ECM2: variants seen among roughly 807,000 people sequenced by gnomAD.
ECM2 encodes extracellular matrix protein 2, female organ and adipocyte specific.
ECM2 carries 57 observed loss-of-function variants against 67.5 expected under a neutral mutation model. The observed-to-expected ratio is 0.84, with a 90% CI of 0.68 to 1.05. ECM2 has a LOEUF of 1.05. ECM2 is among the 50% of genes least tolerant of loss of function. ECM2 has a pLI of 0.00. For missense variants in ECM2, 741 were observed against 822.8 expected, an observed-to-expected ratio of 0.90 and a Z score of 1.22; for synonymous variants, 258 against 294.5, an observed-to-expected ratio of 0.88 and a Z score of 1.27.
At chr9:92,522,222 G>A (rs903904939) in intron 2 of ECM2, among the ~76,000 whole-genome samples, 1 of 151,980 alleles carries the variant, frequency 6.6e-6, no homozygotes, top group African/African-American at 2.4e-5. Context: ...GAGTAGCTGG[G>A]ATTACAGGTA....
At chr9:92,551,663 C>T in the ECM2 span, among the ~76,000 whole-genome samples, 1 of 151,746 alleles carries the variant, frequency 6.6e-6, no homozygotes, top group Non-Finnish European at 1.5e-5. Flanking sequence ...GTCTTTTATC[C>T]CTCACCCCAC....
the ECM2 span, among the ~76,000 whole-genome samples, chr9:92,549,423 G>C: frequency 6.6e-6 from 1 of 152,124 alleles, no homozygotes; most frequent in Admixed American, 6.5e-5. Flanking sequence ...GAGACGGGTG[G>C]ATCACTTGAG....
chr9:92,558,744 G>A, the ECM2 span, among the ~76,000 whole-genome samples: 1,255 of 152,206 alleles, frequency 8.2e-3, 31 homozygotes, highest in African/African-American at 0.029. Context: ...GGGTGGATAG[G>A]AAAGGACCAT....
chr9:92,558,426 C>T, the ECM2 span, among the ~76,000 whole-genome samples: 1 of 152,190 alleles, frequency 6.6e-6, no homozygotes, highest in Admixed American at 6.5e-5. Flanking sequence ...GGCCTAGCCA[C>T]CCAGTGAGTC....
chr9:92,507,503 A>G (rs1563974430), intron 6 of ECM2, among the ~76,000 whole-genome samples: 1 of 152,220 alleles, frequency 6.6e-6, no homozygotes, highest in Non-Finnish European at 1.5e-5. Flanking sequence ...GTAACAGGAA[A>G]TAGGATGGAG....
Position 92,512,145 on chromosome 9 carries a change from A to G in ECM2, c.1055-19T>C. 6.3e-7 allele frequency: 1 copy of G among 1,579,950 alleles called. No homozygotes were observed. The highest frequency in any genetic ancestry group is 8.7e-7 in the Non-Finnish European group (1 of 1,149,828). ...GAATTGCCTAGGACACACAGCGGTT[A>G]TGTTTTAGGCATGTGTGCATATACA... On this transcript the variant is annotated intron_variant, in intron 4 of 9. Transcript: ENST00000344604.
intron 6 of ECM2, among the ~76,000 whole-genome samples, chr9:92,507,398 A>C (rs1484198426): frequency 6.6e-6 from 1 of 152,248 alleles, no homozygotes; most frequent in African/African-American, 2.4e-5. Context: ...ACTAGTGGCC[A>C]TTACATGACT....
chr9:92,514,998 C>G lies in ECM2; in HGVS notation c.687G>C (p.Glu229Asp). 6.2e-7 allele frequency: 1 copy of G among 1,614,146 alleles called. No individual in the cohort carries two copies. The highest frequency in any genetic ancestry group is 1.3e-5 in the African/African-American group (1 of 75,034). Residue 229 changes from glutamate to aspartate, a missense_variant, in exon 4 of 10, where the codon GAG (glutamate) becomes GAC (aspartate). By Grantham distance (45) the Glu-to-Asp change is conservative. Coordinates refer to ENST00000344604, the MANE Select transcript of ECM2 (RefSeq NM_001393.4). ...GCCCCTGATTTCTAGATTCAGGGGT[C>G]TCTCTCTTTTGCTCTGTATCTTCTT... ...VKEEDTEQKR[E>D]TPESRNQGQL...
At chr9:92,504,642 C>G (rs1291552841) in intron 7 of ECM2, among the ~76,000 whole-genome samples, 2 of 152,078 alleles carry the variant, frequency 1.3e-5, no homozygotes, top group African/African-American at 4.8e-5. Flanking sequence ...CTCAAGTGAT[C>G]CTCCACCTCA....
chr9:92,550,294 G>A, the ECM2 span, among the ~76,000 whole-genome samples: 2 of 151,988 alleles, frequency 1.3e-5, no homozygotes, highest in African/African-American at 2.4e-5. Flanking sequence ...TACTTGGGAG[G>A]CTAAGGCAGG....
Position 92,512,109 on chromosome 9 carries a change from T to C in ECM2, c.1072A>G (p.Ile358Val), listed in dbSNP as rs1847382324. ...AATCCATTAAATGCTTCATCTGGGA[T>C]GGAGGCGATGGAATTGCCTAGGACA... ...LELTGNSIAS[I>V]PDEAFNGLPN... Residue 358 changes from isoleucine to valine, a missense_variant, in exon 5 of 10, where the codon ATC becomes GTC. Ile to Val is a conservative substitution (Grantham distance 29). Coordinates refer to ENST00000344604, the MANE Select transcript of ECM2 (RefSeq NM_001393.4). 1 of 1,613,688 alleles carries C rather than the reference T, an allele frequency of 6.2e-7. No individual in the cohort carries two copies. The highest frequency in any genetic ancestry group is 1.3e-5 in the African/African-American group (1 of 74,916).
chr9:92,529,837 G>T (rs887495510), intron 1 of ECM2, among the ~76,000 whole-genome samples: 1 of 152,136 alleles, frequency 6.6e-6, no homozygotes, highest in South Asian at 2.1e-4. Flanking sequence ...GATTCTTAGG[G>T]CAGTGAAACT....
the ECM2 span, among the ~76,000 whole-genome samples, chr9:92,542,430 G>T: frequency 6.6e-6 from 1 of 151,254 alleles, no homozygotes; most frequent in African/African-American, 2.4e-5. Flanking sequence ...TTTGTTGCCT[G>T]TGCTTTTGGA....
intron 2 of ECM2, among the ~76,000 whole-genome samples, chr9:92,520,974 T>C (rs1848031308): frequency 6.6e-6 from 1 of 152,190 alleles, no homozygotes; most frequent in African/African-American, 2.4e-5. Flanking sequence ...ATGGGGAGTT[T>C]AGGTACAGAG....
chr9:92,517,624 A>G (rs1479062252), intron 3 of ECM2, 63 bp downstream of exon 3: 1 of 1,600,500 alleles, frequency 6.2e-7, no homozygotes, highest in East Asian at 2.2e-5. Flanking sequence ...AATTAGTAAC[A>G]AAAACAAATG....
intron 2 of ECM2, among the ~76,000 whole-genome samples, chr9:92,518,799 G>T (rs1448783648): frequency 6.6e-6 from 1 of 152,160 alleles, no homozygotes. Context: ...TGAGGCATAA[G>T]AATCGCTTGA....
At chr9:92,509,408 T>G (rs1165860429) in intron 6 of ECM2, among the ~76,000 whole-genome samples, 2 of 152,204 alleles carry the variant, frequency 1.3e-5, no homozygotes, top group African/African-American at 4.8e-5. Context: ...AGTTTTGTTT[T>G]TAGGTTCCAA....
chr9:92,521,260 A>G lies in ECM2; in HGVS notation c.292+1315T>C, dbSNP rs16908430. ...TTTTTTTAAACAAGTTTGAGATCACATTATGAATACTTCTTTTTCAGCCTT... is the reference window on the plus strand; with the variant it reads ...TTTTTTTAAACAAGTTTGAGATCACGTTATGAATACTTCTTTTTCAGCCTT... On this transcript the variant is annotated intron_variant, in intron 2 of 9. Transcript: ENST00000344604. 4.7e-3 allele frequency among the ~76,000 whole-genome samples: 719 copies of G among 152,344 alleles called. 4 individuals carry two copies. The highest frequency in any genetic ancestry group is 0.015 in the African/African-American group (617 of 41,570).
chr9:92,514,771 G>C lies in ECM2; in HGVS notation c.914C>G (p.Pro305Arg). Residue 305 changes from proline to arginine, a missense_variant, in exon 4 of 10, where the codon CCG becomes CGG. Transcript: ENST00000344604. ...TGTGCCTCTGGGAGGAGCAGGAAGC[G>C]GGGATCGAGAGGGCATTCGGAACAT... is the stretch of plus-strand genomic sequence containing the variant. ...GDMFRMPSRSPLPAPPRGTLR... is the reference protein window; with the variant it reads ...GDMFRMPSRSRLPAPPRGTLR... 6.2e-7 allele frequency: 1 copy of C among 1,614,044 alleles called. No individual in the cohort carries two copies. The highest frequency in any genetic ancestry group is 8.5e-7 in the Non-Finnish European group (1 of 1,180,006).
Sources: gnomAD v4.1 joint callset for allele counts (sites outside exome capture counted in the v4.1 genomes callset) on GRCh38, gnomAD v4.1.1 for gene constraint, MANE v1.5 for transcripts, NCBI Gene and HGNC (gene_info 2026-07-23, HGNC 2026-07-21) for gene names.